The following TEN1 variants were observed in gnomAD, a reference collection of about 807,000 sequenced individuals.
TEN1 encodes CST complex subunit TEN1.
TEN1 carries 6 observed loss-of-function variants against 9.3 expected under a neutral mutation model. The ratio of observed to expected loss-of-function variants is 0.65; its 90% CI spans 0.35 to 1.27. TEN1 has a LOEUF of 1.27. Ranked by LOEUF, TEN1 falls within the 50% of genes most tolerant of loss-of-function variation. The probability of loss-of-function intolerance (pLI) is 0.03; values close to 1 mark genes in which losing one functional copy is unlikely to be tolerated. For synonymous variants in TEN1, 65 were observed against 65.6 expected, an observed-to-expected ratio of 0.99 and a Z score of 0.04; for missense variants, 149 against 158.2, an observed-to-expected ratio of 0.94 and a Z score of 0.31.
chr17:75,998,412 T>C (rs2066230417), intron 3 of TEN1, among the ~76,000 whole-genome samples: 1 of 151,910 alleles, frequency 6.6e-6, no homozygotes, highest in South Asian at 2.1e-4. Context: ...TCCCAAAGTG[T>C]TGGGATTACA....
At chr17:75,991,417 G>T in intron 2 of TEN1, 49 bp from the exon 3 acceptor site, 1 of 1,540,660 alleles carries the variant, frequency 6.5e-7, no homozygotes, top group Non-Finnish European at 8.8e-7. Flanking sequence ...TGAGCGTGGT[G>T]GTGATTCTAC....
At chr17:75,983,355 T>C (rs1001591838) in intron 1 of TEN1, among the ~76,000 whole-genome samples, 11 of 152,156 alleles carry the variant, frequency 7.2e-5, no homozygotes, top group African/African-American at 2.7e-4. Flanking sequence ...GAGAATTGCA[T>C]AGCAACCCCA....
chr17:75,984,925 G>T (rs1423099601), intron 1 of TEN1: 1 of 152,246 alleles, frequency 6.6e-6, no homozygotes, highest in Non-Finnish European at 1.5e-5. Flanking sequence ...GCCTGAGAGG[G>T]TGCAAGAGGA....
intron 1 of TEN1, among the ~76,000 whole-genome samples, chr17:75,982,302 T>A (rs2066126680): frequency 1.3e-5 from 2 of 152,230 alleles, no homozygotes; most frequent in South Asian, 4.1e-4. Context: ...TGCATAAAAA[T>A]GTACAATTTC....
At chr17:75,979,576 C>G in intron 1 of TEN1, 65 bp downstream of exon 1, 1 of 249,856 alleles carries the variant, frequency 4.0e-6, no homozygotes. Context: ...CCTGCACTTG[C>G]CCCCCTCTTA....
At chr17:75,993,444 G>A (rs928319320) in intron 3 of TEN1, among the ~76,000 whole-genome samples, 2 of 152,048 alleles carry the variant, frequency 1.3e-5, no homozygotes, top group Non-Finnish European at 2.9e-5. Context: ...ATGAACGCAG[G>A]AGAAATCCGT....
rs1363383913 is a variant in TEN1, at chr17:76,000,474, C to T, written c.*212C>T. ...GCATGCCATAAATCCGACAGCCCCA[C>T]CCCAGGAGACTGCAGGTGGCCGAGC... is the stretch of plus-strand genomic sequence containing the variant. On this transcript the variant is annotated 3_prime_UTR_variant, in exon 4 of 4. Transcript: ENST00000397640. The surrounding 1 kb of genome is among the most constrained non-coding windows in gnomAD (Gnocchi z 5.9). 4 of 706,760 alleles carry T rather than the reference C, an allele frequency of 5.7e-6. No individual in the cohort carries two copies. Among genetic ancestry groups the T allele is most frequent in the Admixed American group, 6.5e-5 (2 of 30,830 alleles). The allele number at this position is 706,760 out of a possible 1,614,324, so 43.8% of individuals were successfully genotyped here.
At chr17:75,992,979 C>T (rs1275328360) in intron 3 of TEN1, among the ~76,000 whole-genome samples, 10 of 136,578 alleles carry the variant, frequency 7.3e-5, no homozygotes, top group African/African-American at 1.1e-4. Flanking sequence ...TTTTTTGTCT[C>T]GAGACAGAGT....
intron 2 of TEN1, among the ~76,000 whole-genome samples, chr17:75,988,855 CT>C (rs1298528978): frequency 6.6e-6 from 1 of 152,024 alleles, no homozygotes; most frequent in African/African-American, 2.4e-5. Context: ...ACTGCAACCT[CT>C]GCCTGCCAGG....
rs1013258063 is a variant in TEN1 at position 75,979,310 on chromosome 17, G to C, written c.-208G>C. ...CCGCGTCGTGGCTGGGGCCGGTCGC[G>C]GGGCAGACTAATCCCCTGCTCCTGG... is the stretch of plus-strand genomic sequence containing the variant. On this transcript the variant is annotated 5_prime_UTR_variant, in exon 1 of 4. Coordinates refer to ENST00000397640, the MANE Select transcript of TEN1 (RefSeq NM_001113324.3). 6.4e-6 allele frequency: 4 copies of C among 623,828 alleles called. No homozygotes were observed. The highest frequency in any genetic ancestry group is 2.8e-5 in the East Asian group (1 of 35,930). The allele number at this position is 623,828 out of a possible 1,614,324, so 38.6% of individuals were successfully genotyped here.
intron 2 of TEN1, among the ~76,000 whole-genome samples, chr17:75,987,691 C>G (rs4479271): frequency 2.6e-5 from 4 of 151,582 alleles, no homozygotes; most frequent in African/African-American, 9.7e-5. Flanking sequence ...CCGAGGCAGG[C>G]GGATCACCTG....
chr17:75,981,188 CT>C (rs10560639), intron 1 of TEN1, among the ~76,000 whole-genome samples: 8,596 of 146,792 alleles, frequency 0.059, 267 homozygotes, highest in East Asian at 0.14. Context: ...GACTTTAACG[CT>C]TTTTTTTTTT....
chr17:75,993,587 G>A (rs1029221743), intron 3 of TEN1, among the ~76,000 whole-genome samples: 1 of 152,182 alleles, frequency 6.6e-6, no homozygotes, highest in African/African-American at 2.4e-5. Context: ...GCAGTGCCTA[G>A]GCTGGCCTGA....
chr17:75,981,874 A>G (rs2066122850), intron 1 of TEN1, among the ~76,000 whole-genome samples: 1 of 152,110 alleles, frequency 6.6e-6, no homozygotes, highest in Non-Finnish European at 1.5e-5. Context: ...CTAAAAATAC[A>G]AAAAAAGCCG....
intron 2 of TEN1, among the ~76,000 whole-genome samples, chr17:75,990,050 A>ATT (rs1014192071): frequency 7.3e-6 from 1 of 136,570 alleles, no homozygotes; most frequent in Admixed American, 7.4e-5. Flanking sequence ...CCCAACCTAG[A>ATT]TTTTTTTTTT....
At chr17:75,985,820 G>A (rs915458072) in intron 1 of TEN1, among the ~76,000 whole-genome samples, 13 of 151,710 alleles carry the variant, frequency 8.6e-5, no homozygotes, top group African/African-American at 3.1e-4. Context: ...CACTGCACCC[G>A]GCCATGTTTT....
intron 1 of TEN1, among the ~76,000 whole-genome samples, chr17:75,985,347 C>T (rs2144345636): frequency 6.6e-6 from 1 of 152,060 alleles, no homozygotes; most frequent in East Asian, 1.9e-4. Context: ...GGGCTGTTGC[C>T]ATGTTGCCCA....
chr17:75,983,367 C>T (rs879479395), intron 1 of TEN1, among the ~76,000 whole-genome samples: 1 of 152,200 alleles, frequency 6.6e-6, no homozygotes, highest in Non-Finnish European at 1.5e-5. Context: ...GCAACCCCAG[C>T]ATCCTCCCCA....
Position 75,997,956 on chromosome 17 carries a change from G to A in TEN1, c.251-2185G>A, listed in dbSNP as rs190826054. Among the ~76,000 whole-genome samples, 6 of 151,860 alleles carry A rather than the reference G, an allele frequency of 4.0e-5. 1 individual carries two copies. Among genetic ancestry groups the A allele is most frequent in the Admixed American group, 2.6e-4 (4 of 15,226 alleles). ...TGCAACCTCTGCTTCCTGGGTTCAA[G>A]CGATTCTGCCTCAGCCTCCCTAGTA... On this transcript the variant is annotated intron_variant, in intron 3 of 3. Transcript: ENST00000397640.
Sources: gnomAD v4.1 joint callset for allele counts (sites outside exome capture counted in the v4.1 genomes callset) on GRCh38, gnomAD v4.1.1 for gene constraint, Gnocchi (gnomAD v3.1) non-coding constraint, MANE v1.5 for transcripts, NCBI Gene and HGNC (gene_info 2026-07-23, HGNC 2026-07-21) for gene names.